Variants in ABHD14B observed in about 807,000 individuals in gnomAD.
The protein encoded by ABHD14B is putative protein-lysine deacylase ABHD14B.
In ABHD14B, 19 loss-of-function variants were observed where a neutral mutation model predicts 15.4. The observed-to-expected ratio is 1.23, with a 90% CI of 0.86 to 1.81. The LOEUF (loss-of-function observed/expected upper bound fraction) is 1.81. Among genes scored for constraint, ABHD14B ranks in the 40% most tolerant of loss-of-function variants. The probability of loss-of-function intolerance (pLI) is 0.00; values close to 1 mark genes in which losing one functional copy is unlikely to be tolerated. For synonymous variants in ABHD14B, 92 were observed against 117.3 expected (o/e 0.78, Z 1.39); for missense variants, 243 against 267.0 (o/e 0.91, Z 0.63).
chr3:51,971,186 A>G (rs1349488015), intron 2 of ABHD14B, among the ~76,000 whole-genome samples: 4 of 152,170 alleles, frequency 2.6e-5, no homozygotes, highest in Non-Finnish European at 5.9e-5. Context: ...CCCATTGCAG[A>G]TGAGGAAACA....
chr3:51,969,162 G>A lies in ABHD14B; in HGVS notation c.*264C>T. The A allele has an allele frequency of 2.9e-6, 1 of 339,734 alleles. No homozygotes were observed. Among genetic ancestry groups the A allele is most frequent in the Admixed American group, 4.5e-5 (1 of 22,038 alleles). 21.0% of individuals were successfully genotyped at this position (339,734 alleles called of 1,614,324 possible). On this transcript the variant is annotated 3_prime_UTR_variant, in exon 4 of 4. Transcript: ENST00000361143. ...GCCAGGCAGGAAAGTGGAAGAACAGGAGAAGCTCATGTAATGGATTACCCT... is the reference window on the plus strand; with the variant it reads ...GCCAGGCAGGAAAGTGGAAGAACAGAAGAAGCTCATGTAATGGATTACCCT...
Position 51,971,440 on chromosome 3 carries a change from GA to G in ABHD14B, c.211+19del. The G allele has an allele frequency of 6.5e-7, 1 of 1,544,090 alleles. No individual in the cohort carries two copies. The highest frequency in any genetic ancestry group is 1.2e-5 in the South Asian group (1 of 82,330). On this transcript the variant is annotated intron_variant, in intron 2 of 3. Coordinates refer to ENST00000361143, the MANE Select transcript of ABHD14B (RefSeq NM_001146314.2). ...ATGAGACCTCCCCAAACCCTGCCCA[GA>G]AGCCTGCCCCTTAAGTACCTGGCAG...
chr3:51,973,753 C>A, intron 1 of ABHD14B: 1 of 1,068,044 alleles, frequency 9.4e-7, no homozygotes, highest in Non-Finnish European at 1.3e-6. Flanking sequence ...GTGCTCAACG[C>A]GCTGCCACCT....
chr3:51,971,406 C>G, intron 2 of ABHD14B, 54 bp downstream of exon 2: 1 of 1,469,038 alleles, frequency 6.8e-7, no homozygotes, highest in South Asian at 1.4e-5. Context: ...GAACCTGGCC[C>G]TGTCCCTAAT....
chr3:51,970,060 C>T lies in ABHD14B; in HGVS notation c.336G>A (p.Leu112=). 1.2e-6 allele frequency: 2 copies of T among 1,613,228 alleles called. No individual in the cohort carries two copies. Among genetic ancestry groups the T allele is most frequent in the Non-Finnish European group, 1.7e-6 (2 of 1,179,444 alleles). Residue 112 remains leucine (L), a synonymous_variant, in exon 3 of 4, where the codon CTG becomes CTA. Coordinates refer to ENST00000361143, the MANE Select transcript of ABHD14B (RefSeq NM_001146314.2). Reference sequence around the variant, plus strand: ...GGAAGGGCAGGGAGTACATGCCACTCAGTGATGGACTGATCACAACCGGGG... The same window carrying T: ...GGAAGGGCAGGGAGTACATGCCACTTAGTGATGGACTGATCACAACCGGGG... The part of the protein sequence containing the change: ...LGPPVVISPS[L]SGMYSLPFLT...
At chr3:51,973,394 C>T (rs1700698758) in intron 1 of ABHD14B, among the ~76,000 whole-genome samples, 1 of 150,750 alleles carries the variant, frequency 6.6e-6, no homozygotes, top group African/African-American at 2.4e-5. Flanking sequence ...TCATGTTGGC[C>T]GAGCTGGTCC....
intron 1 of ABHD14B, 67 bp downstream of exon 1, chr3:51,973,898 G>GA (rs760286701): frequency 8.0e-5 from 103 of 1,289,736 alleles, no homozygotes; most frequent in Non-Finnish European, 9.7e-5. Context: ...GAGAAAGGAA[G>GA]ACTTGGGGTA....
chr3:51,970,996 G>A (rs183417400), intron 2 of ABHD14B, among the ~76,000 whole-genome samples: 1 of 152,360 alleles, frequency 6.6e-6, no homozygotes, highest in Non-Finnish European at 1.5e-5. Context: ...TTGTCCCCCA[G>A]AAGACTCAGG....
upstream of ABHD14B, chr3:51,974,416 C>T (rs1329516474): frequency 7.9e-6 from 2 of 254,560 alleles, no homozygotes; most frequent in Non-Finnish European, 1.6e-5. Flanking sequence ...AGTGTCCAGC[C>T]AAGTGGCCTT....
chr3:51,969,797 G>T (rs1198125803), intron 3 of ABHD14B, 146 bp downstream of exon 3: 2 of 1,492,966 alleles, frequency 1.3e-6, no homozygotes, highest in African/African-American at 1.4e-5. Context: ...ACAGTAGTCT[G>T]CTGAGTAAAC....
In ABHD14B at chr3:51,969,306, G is replaced by T; in HGVS notation, c.*120C>A. ...ACAGACCACAAAAGACAAGAACCCA[G>T]ACATATAGACAGACGCACCTGTTGC... is the stretch of plus-strand genomic sequence containing the variant. On this transcript the variant is annotated 3_prime_UTR_variant, in exon 4 of 4. Transcript: ENST00000361143. 1 of 1,153,334 alleles carries T rather than the reference G, an allele frequency of 8.7e-7. No individual in the cohort carries two copies. Among genetic ancestry groups the T allele is most frequent in the Non-Finnish European group, 1.2e-6 (1 of 817,338 alleles). The allele number at this position is 1,153,334 out of a possible 1,614,324, so 71.4% of individuals were successfully genotyped here.
intron 1 of ABHD14B, 135 bp from the exon 2 acceptor site, chr3:51,971,833 G>C: frequency 7.2e-7 from 1 of 1,394,770 alleles, no homozygotes; most frequent in Non-Finnish European, 9.3e-7. Context: ...GAGGACATAG[G>C]TGTTATTTCT....
intron 1 of ABHD14B, chr3:51,973,542 A>G (rs1700707163): frequency 7.9e-6 from 1 of 126,398 alleles, no homozygotes; most frequent in South Asian, 1.5e-4. Flanking sequence ...TTAAGAGAAG[A>G]TGTCTCGCTC....
Position 51,969,276 on chromosome 3 carries a change from G to A in ABHD14B, c.*150C>T, listed in dbSNP as rs1218661794. The A allele has an allele frequency of 1.1e-6, 1 of 883,686 alleles. No homozygotes were observed. The highest frequency in any genetic ancestry group is 1.7e-6 in the Non-Finnish European group (1 of 587,204). 54.7% of individuals were successfully genotyped at this position (883,686 alleles called of 1,614,324 possible). On this transcript the variant is annotated 3_prime_UTR_variant, in exon 4 of 4. Coordinates refer to ENST00000361143, the MANE Select transcript of ABHD14B (RefSeq NM_001146314.2). ...CACTGCAAGAGAAAGAGGTAGAAAA[G>A]ACAAACAGACCACAAAAGACAAGAA...
In ABHD14B at chr3:51,969,203, C is replaced by T. The variant is rs569586839; in HGVS notation, c.*223G>A. Reference sequence around the variant, plus strand: ...GGATTACCCTCCACAGGATTATGTTCCTTGATTCCTGAGAGTTTTTTCTCT... The same window carrying T: ...GGATTACCCTCCACAGGATTATGTTTCTTGATTCCTGAGAGTTTTTTCTCT... On this transcript the variant is annotated 3_prime_UTR_variant, in exon 4 of 4. Coordinates refer to ENST00000361143, the MANE Select transcript of ABHD14B (RefSeq NM_001146314.2). 1 of 494,170 alleles carries T rather than the reference C, an allele frequency of 2.0e-6. No homozygotes were observed. Among genetic ancestry groups the T allele is most frequent in the South Asian group, 3.2e-5 (1 of 31,064 alleles). The allele number at this position is 494,170 out of a possible 1,614,324, so 30.6% of individuals were successfully genotyped here.
chr3:51,971,532 T>C lies in ABHD14B; in HGVS notation c.139A>G (p.Thr47Ala). 1 of 1,613,268 alleles carries C rather than the reference T, an allele frequency of 6.2e-7. No individual in the cohort carries two copies. The highest frequency in any genetic ancestry group is 8.5e-7 in the Non-Finnish European group (1 of 1,179,704). ...LLHGIRFSSETWQNLGTLHRL... is the reference protein window; with the variant it reads ...LLHGIRFSSEAWQNLGTLHRL... ...TGCAGTGTACCCAGGTTCTGCCAGGTCTCGGAGGAGAAGCGAATACCATGC... is the reference window on the plus strand; with the variant it reads ...TGCAGTGTACCCAGGTTCTGCCAGGCCTCGGAGGAGAAGCGAATACCATGC... The change falls in exon 2 of 4, where the codon ACC becomes GCC. Residue 47 changes from threonine to alanine, a missense_variant. Coordinates refer to ENST00000361143, the MANE Select transcript of ABHD14B (RefSeq NM_001146314.2).
Position 51,971,647 on chromosome 3 carries a change from G to A in ABHD14B, c.24C>T (p.Arg8=), listed in dbSNP as rs777426785. The A allele has an allele frequency of 1.2e-6, 2 of 1,612,308 alleles. No homozygotes were observed. Among genetic ancestry groups the A allele is most frequent in the Non-Finnish European group, 8.5e-7 (1 of 1,179,554 alleles). Residue 8 remains arginine (R), a synonymous_variant, in exon 2 of 4, where the codon CGC becomes CGT. Coordinates refer to ENST00000361143, the MANE Select transcript of ABHD14B (RefSeq NM_001146314.2). MAASVEQ[R]EGTIQVQGQA... is the part of the protein sequence containing the mutation. ...GGCCCTGCACCTGGATGGTGCCCTC[G>A]CGCTGCTCCACGCTTGCTGCCATGC...
chr3:51,972,178 A>T (rs1700669253), intron 1 of ABHD14B, among the ~76,000 whole-genome samples: 2 of 147,390 alleles, frequency 1.4e-5, no homozygotes. Flanking sequence ...CAGAGGTTGC[A>T]GTGAGCCGAG....
upstream of ABHD14B, chr3:51,974,156 C>A (rs1700730924): frequency 1.1e-6 from 1 of 871,420 alleles, no homozygotes; most frequent in Non-Finnish European, 1.6e-6. Context: ...GTTCTCACAG[C>A]GGCGTCAGTT....
Sources: allele counts gnomAD v4.1 joint callset (sites outside exome capture counted in the v4.1 genomes callset), GRCh38; gene constraint gnomAD v4.1.1; transcripts MANE v1.5; gene names NCBI Gene and HGNC (gene_info 2026-07-23, HGNC 2026-07-21).